CYFIP2: variants seen among roughly 807,000 people sequenced by gnomAD.
The protein encoded by CYFIP2 is cytoplasmic FMR1 interacting protein 2.
Under a neutral mutation model 158.7 loss-of-function variants are expected in CYFIP2, and 29 were observed. The ratio of observed to expected loss-of-function variants is 0.18; its 90% CI spans 0.14 to 0.25. The LOEUF (loss-of-function observed/expected upper bound fraction) is 0.25, where lower values mean the gene tolerates loss of function less well. CYFIP2 is among the 10% of genes least tolerant of loss of function. The probability of loss-of-function intolerance (pLI) is 1.00; values close to 1 mark genes in which losing one functional copy is unlikely to be tolerated. For missense variants in CYFIP2, 852 were observed against 1,639.5 expected (o/e 0.52, Z 8.29); for synonymous variants, 585 against 617.6 (o/e 0.95, Z 0.78).
intron 26 of CYFIP2, chr5:157,364,595 GT>G (rs1764193137): frequency 6.6e-6 from 1 of 152,312 alleles, no homozygotes; most frequent in African/African-American, 2.4e-5. Context: ...ATTGATCCCA[GT>G]CCTTGGGGGC....
At chr5:157,343,020 C>T in intron 23 of CYFIP2, 1 of 1,614,238 alleles carries the variant, frequency 6.2e-7, no homozygotes, top group African/African-American at 1.3e-5. Flanking sequence ...TGCAGGTCTT[C>T]CTCCCTCTGA....
rs367860573 is a variant in CYFIP2 at position 157,393,261 on chromosome 5, C to A, written c.*261C>A. The A allele has an allele frequency of 2.0e-5, 7 of 356,734 alleles. No homozygotes were observed. The highest frequency in any genetic ancestry group is 1.1e-4 in the African/African-American group (5 of 47,418). 22.1% of individuals were successfully genotyped at this position (356,734 alleles called of 1,614,324 possible). A position where few individuals can be genotyped will look rare whatever the true frequency, so the allele number is the denominator to read the frequency against. ...AGTGTGTGCTTTTTCTTTTCTCCCC[C>A]CTCAACTATATTAAGAACTCCTAGT... On this transcript the variant is annotated 3_prime_UTR_variant, in exon 31 of 31. Coordinates refer to ENST00000620254, the MANE Select transcript of CYFIP2 (RefSeq NM_001037333.3).
intron 8 of CYFIP2, among the ~76,000 whole-genome samples, chr5:157,306,488 T>G (rs1201665338): frequency 6.6e-6 from 1 of 152,202 alleles, no homozygotes; most frequent in Non-Finnish European, 1.5e-5. Flanking sequence ...CAATCTGGCC[T>G]TCACATGGTT....
intron 26 of CYFIP2, among the ~76,000 whole-genome samples, chr5:157,377,857 A>G (rs555555016): frequency 1.3e-5 from 2 of 152,340 alleles, no homozygotes; most frequent in East Asian, 3.9e-4. Flanking sequence ...AAGATTCTCA[A>G]TCAATGTTTA....
chr5:157,301,744 C>T (rs958263961), intron 6 of CYFIP2, among the ~76,000 whole-genome samples: 8 of 152,088 alleles, frequency 5.3e-5, no homozygotes, highest in Non-Finnish European at 1.0e-4. Context: ...GCCTGGAAAC[C>T]ATAATGAGAC....
At chr5:157,324,136 T>C in intron 16 of CYFIP2, 62 bp downstream of exon 16, 2 of 1,524,354 alleles carry the variant, frequency 1.3e-6, no homozygotes, top group Non-Finnish European at 1.8e-6. Flanking sequence ...TCAGAGCCGC[T>C]AAGACCACCA....
At chr5:157,366,262 T>G (rs1392416209) in intron 26 of CYFIP2, among the ~76,000 whole-genome samples, 1 of 152,226 alleles carries the variant, frequency 6.6e-6, no homozygotes, top group Non-Finnish European at 1.5e-5. Context: ...TGGTCAACAT[T>G]CTTGCCTTTT....
At chr5:157,289,331 A>T (rs1757642496) in intron 3 of CYFIP2, among the ~76,000 whole-genome samples, 1 of 152,266 alleles carries the variant, frequency 6.6e-6, no homozygotes, top group South Asian at 2.1e-4. Context: ...AAGTGCATAT[A>T]GGGATATTGT....
chr5:157,329,105 A>C (rs558500940), intron 19 of CYFIP2, among the ~76,000 whole-genome samples: 3 of 152,350 alleles, frequency 2.0e-5, no homozygotes, highest in African/African-American at 7.2e-5. Context: ...TTCAAAGAGG[A>C]GTTGATGTGC....
chr5:157,322,757 C>T (rs1760701513), intron 15 of CYFIP2, among the ~76,000 whole-genome samples: 1 of 152,212 alleles, frequency 6.6e-6, no homozygotes, highest in African/African-American at 2.4e-5. Flanking sequence ...CCAGAGGCAG[C>T]GAAGACGAAC....
At position 157,272,165 on chromosome 5, in the gene CYFIP2, C is replaced by A. The variant is rs1171109394; in HGVS notation, c.-24+5970C>A. 8.5e-5 allele frequency among the ~76,000 whole-genome samples: 13 copies of A among 152,242 alleles called. No individual in the cohort carries two copies. In the East Asian group the frequency reaches 1.7e-3, roughly 20 times the overall value. On this transcript the variant is annotated intron_variant, in intron 1 of 30. Transcript: ENST00000620254. ...AGATCTTTTTCTCTGTCTACTCAGT[C>A]TACTCATAAACAACGAGGAGGATAG...
At chr5:157,366,122 A>G (rs1408723014) in intron 26 of CYFIP2, among the ~76,000 whole-genome samples, 4 of 152,142 alleles carry the variant, frequency 2.6e-5, no homozygotes, top group Non-Finnish European at 5.9e-5. Context: ...CTCATAAACA[A>G]TTTGTCCCTC....
At position 157,309,699 on chromosome 5, in the gene CYFIP2, A is replaced by T. The variant is rs984927881; in HGVS notation, c.901-44A>T. On this transcript the variant is annotated intron_variant, in intron 9 of 30. Coordinates refer to ENST00000620254, the MANE Select transcript of CYFIP2 (RefSeq NM_001037333.3). ...GGTGGCAGCGAAGGCAGCCACCCCA[A>T]CCCCTCCTCAGCATCTCACGAGCTG... 10 of 1,552,368 alleles carry T rather than the reference A, an allele frequency of 6.4e-6. No homozygotes were observed. The African/African-American group carries it at 8.2e-5, about 13-fold the overall frequency.
chr5:157,361,440 C>G lies in CYFIP2; in HGVS notation c.2909-28C>G. ...GACCCTACTGAGCAGTGTCAACTTCCCACTGACCACCCCGATTCACCTCCC... is the reference window on the plus strand; with the variant it reads ...GACCCTACTGAGCAGTGTCAACTTCGCACTGACCACCCCGATTCACCTCCC... On this transcript the variant is annotated intron_variant, in intron 25 of 30. Transcript: ENST00000620254. This position sits in a 1 kb window ranked among gnomAD's most constrained non-coding sequence, Gnocchi z 4.4. The G allele has an allele frequency of 6.2e-7, 1 of 1,613,244 alleles. No homozygotes were observed. Among genetic ancestry groups the G allele is most frequent in the African/African-American group, 1.3e-5 (1 of 74,990 alleles).
intron 19 of CYFIP2, among the ~76,000 whole-genome samples, chr5:157,329,424 T>G (rs1267285489): frequency 6.6e-6 from 1 of 152,212 alleles, no homozygotes; most frequent in African/African-American, 2.4e-5. Context: ...CCCTTCCCTG[T>G]AAGATCAGTG....
chr5:157,338,370 T>C (rs1581092746), intron 21 of CYFIP2, among the ~76,000 whole-genome samples: 1 of 152,246 alleles, frequency 6.6e-6, no homozygotes, highest in East Asian at 1.9e-4. Flanking sequence ...CTCCAAAGGA[T>C]GAGGCATTCT....
At chr5:157,300,684 T>C (rs3815829) in intron 5 of CYFIP2, 31 bp from the exon 6 acceptor site, 152,071 of 1,502,778 alleles carry the variant, frequency 0.1, 8,258 homozygotes, top group South Asian at 0.12. Flanking sequence ...GGGAGCACAG[T>C]GGACCTTACT....
intron 26 of CYFIP2, among the ~76,000 whole-genome samples, chr5:157,362,431 C>T (rs1001015443): frequency 5.9e-5 from 9 of 152,194 alleles, no homozygotes; most frequent in Admixed American, 2.6e-4. Context: ...ATGATTCTAG[C>T]TTCCTTGGCT....
rs1561723324 is a variant in CYFIP2 at position 157,319,911 on chromosome 5, G to A, written c.1506G>A (p.Lys502=). 3 of 1,613,942 alleles carry A rather than the reference G, an allele frequency of 1.9e-6. No individual in the cohort carries two copies. In the Admixed American group the frequency reaches 5.0e-5, roughly 27 times the overall value. Residue 502 remains lysine (K), a synonymous_variant, in exon 14 of 31, where the codon AAG becomes AAA. Transcript: ENST00000620254. ...REPLRQAVRK[K]KNVLISVLQA... ...CCCTGCGGCAGGCGGTACGGAAGAA[G>A]AAGAATGTCCTCATCAGGTGGGTTT...
Sources: gnomAD v4.1 joint callset for allele counts (sites outside exome capture counted in the v4.1 genomes callset) on GRCh38, gnomAD v4.1.1 for gene constraint, Gnocchi (gnomAD v3.1) non-coding constraint, MANE v1.5 for transcripts, NCBI Gene and HGNC (gene_info 2026-07-23, HGNC 2026-07-21) for gene names.